PHOSPHO1: variants seen among roughly 807,000 people sequenced by gnomAD.
The protein encoded by PHOSPHO1 is phosphoethanolamine/phosphocholine phosphatase.
A neutral mutation model predicts 17.7 loss-of-function variants in PHOSPHO1; 6 were observed. The ratio of observed to expected loss-of-function variants is 0.34; its 90% CI spans 0.19 to 0.67. PHOSPHO1 has a LOEUF of 0.67. PHOSPHO1 is among the 30% of genes least tolerant of loss of function. The pLI, the probability that PHOSPHO1 is intolerant of heterozygous loss-of-function variation, is 0.69. For missense variants in PHOSPHO1, 330 were observed against 392.1 expected, an observed-to-expected ratio of 0.84 and a Z score of 1.34; for synonymous variants, 159 against 174.6, an observed-to-expected ratio of 0.91 and a Z score of 0.71.
chr17:49,224,847 T>C lies in PHOSPHO1; in HGVS notation c.203A>G (p.Tyr68Cys), dbSNP rs747128372. The change falls in exon 3 of 3, where the codon TAC becomes TGC. Residue 68 changes from tyrosine to cysteine, a missense_variant. Coordinates refer to ENST00000310544, the MANE Select transcript of PHOSPHO1 (RefSeq NM_178500.4). ...GAAGACGCGCTGCATGTACTCGTTG[T>C]AGAAGCCCTCGCGGTAGGTGGCTCG... ...SLRATYREGF[Y>C]NEYMQRVFKY... is the part of the protein sequence containing the mutation. The C allele has an allele frequency of 6.2e-7, 1 of 1,607,138 alleles. No individual in the cohort carries two copies. The highest frequency in any genetic ancestry group is 1.1e-5 in the South Asian group (1 of 90,032).
Position 49,224,111 on chromosome 17 carries a change from T to A in PHOSPHO1, c.*135A>T. ...GAGCCCCCTTCCCCAAGCCCCCAAA[T>A]ACGAGATTCCAGAAATTCCCAGAGG... On this transcript the variant is annotated 3_prime_UTR_variant, in exon 3 of 3. Coordinates refer to ENST00000310544, the MANE Select transcript of PHOSPHO1 (RefSeq NM_178500.4). 7.6e-7 allele frequency: 1 copy of A among 1,311,252 alleles called. No homozygotes were observed. The highest frequency in any genetic ancestry group is 1.0e-6 in the Non-Finnish European group (1 of 989,760). 81.2% of individuals were successfully genotyped at this position (1,311,252 alleles called of 1,614,324 possible). A position where few individuals can be genotyped will look rare whatever the true frequency, so the allele number is the denominator to read the frequency against.
At chr17:49,225,869 G>T in intron 2 of PHOSPHO1, 1 of 1,185,414 alleles carries the variant, frequency 8.4e-7, no homozygotes, top group Non-Finnish European at 1.1e-6. Context: ...CTTGGGGGGT[G>T]TGGAGGAGAG....
intron 1 of PHOSPHO1, among the ~76,000 whole-genome samples, chr17:49,229,736 C>T (rs1404807057): frequency 6.6e-6 from 1 of 152,172 alleles, no homozygotes; most frequent in East Asian, 1.9e-4. Flanking sequence ...AACAACTAAG[C>T]TAGAATTCCC....
chr17:49,226,351 T>G (rs1462262598), intron 2 of PHOSPHO1, among the ~76,000 whole-genome samples: 2 of 152,192 alleles, frequency 1.3e-5, no homozygotes, highest in Admixed American at 1.3e-4. Context: ...GGATTTCGAT[T>G]GGCTATCTGC....
chr17:49,228,787 CAAAA>C (rs71144585), intron 1 of PHOSPHO1, among the ~76,000 whole-genome samples: 2 of 78,824 alleles, frequency 2.5e-5, no homozygotes, highest in Non-Finnish European at 2.5e-5. Context: ...GACTCCGTCT[CAAAA>C]AAAAAAAAAA....
At chr17:49,225,317 A>G (rs2043342454) in intron 2 of PHOSPHO1, 2 of 985,332 alleles carry the variant, frequency 2.0e-6, no homozygotes. Flanking sequence ...ACAAGGGTCA[A>G]AAGAAGGGAA....
At chr17:49,226,805 T>C in intron 1 of PHOSPHO1, 47 bp from the exon 2 acceptor site, 5 of 1,256,304 alleles carry the variant, frequency 4.0e-6, no homozygotes, top group Non-Finnish European at 5.8e-6. Context: ...CAGCTGACTT[T>C]GCTTCCACCA....
chr17:49,228,750 A>G (rs1252560786), intron 1 of PHOSPHO1, among the ~76,000 whole-genome samples: 2 of 142,872 alleles, frequency 1.4e-5, no homozygotes, highest in African/African-American at 5.3e-5. Flanking sequence ...AGATTGCGCC[A>G]TTGCATTCCA....
chr17:49,226,199 C>T (rs188911366), intron 2 of PHOSPHO1, among the ~76,000 whole-genome samples: 43 of 152,164 alleles, frequency 2.8e-4, no homozygotes, highest in Non-Finnish European at 4.7e-4. Flanking sequence ...GCTTTTCTCC[C>T]GCCCAGCTCC....
At chr17:49,225,916 A>C in intron 2 of PHOSPHO1, 1 of 1,113,298 alleles carries the variant, frequency 9.0e-7, no homozygotes, top group Non-Finnish European at 1.1e-6. Context: ...TCTTGGAGAC[A>C]GACTGCTGGA....
intron 2 of PHOSPHO1, chr17:49,225,908 T>C (rs1197188941): frequency 2.7e-6 from 3 of 1,125,038 alleles, no homozygotes; most frequent in African/African-American, 3.3e-5. Context: ...CTAGGGGATC[T>C]TGGAGACAGA....
In PHOSPHO1 at chr17:49,224,114, G is replaced by T; in HGVS notation, c.*132C>A. 6.8e-6 allele frequency: 9 copies of T among 1,323,554 alleles called. No individual in the cohort carries two copies. Among genetic ancestry groups the T allele is most frequent in the Non-Finnish European group, 9.0e-6 (9 of 1,001,154 alleles). 82.0% of individuals were successfully genotyped at this position (1,323,554 alleles called of 1,614,324 possible). ...CCCCCTTCCCCAAGCCCCCAAATAC[G>T]AGATTCCAGAAATTCCCAGAGGGAC... On this transcript the variant is annotated 3_prime_UTR_variant, in exon 3 of 3. Coordinates refer to ENST00000310544, the MANE Select transcript of PHOSPHO1 (RefSeq NM_178500.4).
At chr17:49,225,743 G>A (rs1328931540) in intron 2 of PHOSPHO1, 2 of 1,284,586 alleles carry the variant, frequency 1.6e-6, no homozygotes, top group East Asian at 1.1e-4. Flanking sequence ...GGGGCTTGGG[G>A]AGGTAAGAGC....
At chr17:49,227,172 A>C (rs932679234) in intron 1 of PHOSPHO1, among the ~76,000 whole-genome samples, 1 of 152,212 alleles carries the variant, frequency 6.6e-6, no homozygotes, top group Non-Finnish European at 1.5e-5. Context: ...CTAACCAGCC[A>C]CGCTGTTTAC....
chr17:49,228,520 G>T (rs893497637), intron 1 of PHOSPHO1, among the ~76,000 whole-genome samples: 1 of 152,052 alleles, frequency 6.6e-6, no homozygotes, highest in South Asian at 2.1e-4. Context: ...GCCGGGCGTG[G>T]TGGCTCATGC....
rs1481720935 is a variant in PHOSPHO1 at position 49,224,789 on chromosome 17, C to T, written c.261G>A (p.Arg87=). The part of the protein sequence containing the change: ...KYLGEQGVRP[R]DLSAIYEAIP... The stretch of plus-strand genomic sequence containing the variant: ...TGGCTTCGTAGATGGCGCTCAGGTC[C>T]CGCGGCCGCACGCCCTGCTCGCCCA... Residue 87 remains arginine (R), a synonymous_variant, in exon 3 of 3, where the codon CGG becomes CGA. Coordinates refer to ENST00000310544, the MANE Select transcript of PHOSPHO1 (RefSeq NM_178500.4). 8 of 1,598,574 alleles carry T rather than the reference C, an allele frequency of 5.0e-6. No homozygotes were observed. Among genetic ancestry groups the T allele is most frequent in the Admixed American group, 3.5e-5 (2 of 57,536 alleles).
intron 2 of PHOSPHO1, chr17:49,225,553 C>T (rs1015059978): frequency 2.7e-5 from 33 of 1,227,164 alleles, no homozygotes; most frequent in Admixed American, 6.3e-5. Context: ...TCTCTGGGAG[C>T]TGCTTCTAGC....
Position 49,225,001 on chromosome 17 carries a change from C to T in PHOSPHO1, c.49G>A (p.Gly17Ser), listed in dbSNP as rs1475583164. ...GGCGCGCCCTGCGCGGCCATCCTGCCGTCCTGGGAGCAGGGGGGAGAGCAG... is the reference window on the plus strand; with the variant it reads ...GGCGCGCCCTGCGCGGCCATCCTGCTGTCCTGGGAGCAGGGGGGAGAGCAG... ...VSGLRCLSRDGRMAAQGAPRF... is the reference protein window; with the variant it reads ...VSGLRCLSRDSRMAAQGAPRF... Residue 17 changes from glycine (G) to serine (S), a missense_variant, in exon 3 of 3, where the codon GGC (glycine) becomes AGC (serine). Gly to Ser is a moderately conservative substitution (Grantham distance 56, BLOSUM62 0). Coordinates refer to ENST00000310544, the MANE Select transcript of PHOSPHO1 (RefSeq NM_178500.4). The T allele has an allele frequency of 2.0e-6, 3 of 1,522,314 alleles. No homozygotes were observed. The highest frequency in any genetic ancestry group is 1.8e-6 in the Non-Finnish European group (2 of 1,135,148). 94.3% of individuals were successfully genotyped at this position (1,522,314 alleles called of 1,614,324 possible).
intron 1 of PHOSPHO1, among the ~76,000 whole-genome samples, chr17:49,228,285 CTTCCTTCCT>C: frequency 1.1e-5 from 1 of 93,328 alleles, no homozygotes; most frequent in East Asian, 3.1e-4. Flanking sequence ...TCCTTCCTTC[CTTCCTTCCT>C]TCCTCCTTCC....
Sources: gnomAD v4.1 joint callset for allele counts (sites outside exome capture counted in the v4.1 genomes callset) on GRCh38, gnomAD v4.1.1 for gene constraint, MANE v1.5 for transcripts, NCBI Gene and HGNC (gene_info 2026-07-23, HGNC 2026-07-21) for gene names.